Variants in GRIK4 observed in about 807,000 individuals in gnomAD.
GRIK4 encodes glutamate ionotropic receptor kainate type subunit 4, also known as glutamate receptor ionotropic, kainate 4.
In GRIK4, 40 loss-of-function variants were observed where a neutral mutation model predicts 104.9. The observed-to-expected ratio is 0.38, with a 90% CI of 0.30 to 0.50. GRIK4 has a LOEUF of 0.50. GRIK4 is among the 20% of genes least tolerant of loss of function. GRIK4 has a pLI of 0.93. For synonymous variants in GRIK4, 485 were observed against 524.9 expected (o/e 0.92, Z 1.04); for missense variants, 1,047 against 1,308.1 (o/e 0.80, Z 3.08).
chr11:120,880,238 T>C (rs1565412939), intron 11 of GRIK4, among the ~76,000 whole-genome samples: 3 of 152,266 alleles, frequency 2.0e-5, no homozygotes, highest in African/African-American at 7.2e-5. Flanking sequence ...TGGCACAGTC[T>C]TGTCCTTGCC....
At chr11:120,723,480 C>A (rs746867817) in intron 3 of GRIK4, among the ~76,000 whole-genome samples, 1 of 152,164 alleles carries the variant, frequency 6.6e-6, no homozygotes, top group South Asian at 2.1e-4. Context: ...AGCTCTATGG[C>A]CTCGGGCAAA....
intron 1 of GRIK4, among the ~76,000 whole-genome samples, chr11:120,649,501 C>T (rs759651241): frequency 3.9e-5 from 6 of 152,296 alleles, no homozygotes; most frequent in South Asian, 2.1e-4. Flanking sequence ...CTCTTTGTCA[C>T]GAACAGCCGT....
Position 120,819,684 on chromosome 11 carries a change from C to T in GRIK4, c.346-71C>T, listed in dbSNP as rs1253020983. On this transcript the variant is annotated intron_variant, in intron 5 of 20. Coordinates refer to ENST00000527524, the MANE Select transcript of GRIK4 (RefSeq NM_014619.5). The surrounding 1 kb of genome is among the most constrained non-coding windows in gnomAD (Gnocchi z 4.3). ...GAACTCACCCTCCACAACCTCAGCT[C>T]ACTCATCCCTCTTTCTTCCTTTTCA... is the stretch of plus-strand genomic sequence containing the variant. 19 of 1,431,166 alleles carry T rather than the reference C, an allele frequency of 1.3e-5. No individual in the cohort carries two copies. The highest frequency in any genetic ancestry group is 1.9e-5 in the Non-Finnish European group (19 of 1,016,770). The allele number at this position is 1,431,166 out of a possible 1,614,324, so 88.7% of individuals were successfully genotyped here.
chr11:120,914,083 A>G (rs544528407), intron 13 of GRIK4, among the ~76,000 whole-genome samples: 1 of 152,328 alleles, frequency 6.6e-6, no homozygotes, highest in African/African-American at 2.4e-5. Flanking sequence ...TTCTGCATTT[A>G]TGCAAATCTG....
chr11:120,862,263 G>A, intron 9 of GRIK4, 143 bp downstream of exon 9: 1 of 719,696 alleles, frequency 1.4e-6, no homozygotes, highest in Non-Finnish European at 2.3e-6. Flanking sequence ...GTAGAGAGGT[G>A]TGGGAAGTGG....
At chr11:120,969,133 G>C (rs1310318260) in intron 19 of GRIK4, among the ~76,000 whole-genome samples, 1 of 152,222 alleles carries the variant, frequency 6.6e-6, no homozygotes, top group Non-Finnish European at 1.5e-5. Context: ...TTACCAGCAA[G>C]CATCTTAAGG....
intron 1 of GRIK4, among the ~76,000 whole-genome samples, chr11:120,564,035 G>C (rs1342602217): frequency 6.6e-6 from 1 of 152,200 alleles, no homozygotes; most frequent in Non-Finnish European, 1.5e-5. Context: ...GGTGGGTAGG[G>C]AGGCAGTTTA....
chr11:120,781,929 C>T (rs1272578809), intron 3 of GRIK4, among the ~76,000 whole-genome samples: 1 of 152,158 alleles, frequency 6.6e-6, no homozygotes. Context: ...TCCACTCCAG[C>T]CGCTGAACGC....
intron 14 of GRIK4, among the ~76,000 whole-genome samples, chr11:120,949,947 T>G (rs1221655459): frequency 6.6e-6 from 1 of 151,056 alleles, no homozygotes; most frequent in Non-Finnish European, 1.5e-5. Context: ...TCATACCTCC[T>G]TTGGGCTAAG....
At chr11:120,522,385 G>A (rs573058989) in intron 1 of GRIK4, among the ~76,000 whole-genome samples, 2 of 152,070 alleles carry the variant, frequency 1.3e-5, no homozygotes, top group South Asian at 2.1e-4. Flanking sequence ...GCCGTGGCGC[G>A]ACCTCAGCTC....
chr11:120,533,578 G>A (rs377241351), intron 1 of GRIK4, among the ~76,000 whole-genome samples: 2 of 152,164 alleles, frequency 1.3e-5, no homozygotes, highest in African/African-American at 4.8e-5. Context: ...TTATGTGTAC[G>A]TTCAAAAGTT....
At chr11:120,748,125 T>C (rs1427449191) in intron 3 of GRIK4, among the ~76,000 whole-genome samples, 1 of 152,058 alleles carries the variant, frequency 6.6e-6, no homozygotes, top group African/African-American at 2.4e-5. Context: ...CACCAAGACC[T>C]TGGCTGGGGA....
intron 11 of GRIK4, among the ~76,000 whole-genome samples, chr11:120,877,588 G>A (rs1358377884): frequency 2.6e-5 from 4 of 152,198 alleles, no homozygotes; most frequent in Non-Finnish European, 4.4e-5. Context: ...TGCCTATTAT[G>A]TGCCAGACTG....
intron 11 of GRIK4, among the ~76,000 whole-genome samples, chr11:120,878,794 C>A (rs1021932352): frequency 3.3e-5 from 5 of 152,122 alleles, no homozygotes; most frequent in Non-Finnish European, 5.9e-5. Context: ...TGACAGGTGT[C>A]CTTCCCCTGC....
chr11:120,798,911 G>A (rs1010485799), intron 3 of GRIK4, among the ~76,000 whole-genome samples: 1 of 152,142 alleles, frequency 6.6e-6, no homozygotes, highest in Non-Finnish European at 1.5e-5. Context: ...ATATGAATTT[G>A]GTGGGACCTG....
chr11:120,966,666 C>T (rs1944389187), intron 18 of GRIK4, among the ~76,000 whole-genome samples: 1 of 152,198 alleles, frequency 6.6e-6, no homozygotes, highest in Non-Finnish European at 1.5e-5. Flanking sequence ...GCCACCGTGC[C>T]TGGCTGTGAG....
At chr11:120,609,716 G>A (rs1949009909) in intron 1 of GRIK4, among the ~76,000 whole-genome samples, 1 of 151,846 alleles carries the variant, frequency 6.6e-6, no homozygotes. Context: ...GTTTCACCAT[G>A]TTGGCCAGGC....
intron 3 of GRIK4, among the ~76,000 whole-genome samples, chr11:120,722,876 G>A: frequency 6.6e-6 from 1 of 152,190 alleles, no homozygotes; most frequent in Non-Finnish European, 1.5e-5. Context: ...GGCCTTTGGA[G>A]CATGGAGTGA....
chr11:120,906,386 T>A (rs1433517179), intron 13 of GRIK4, among the ~76,000 whole-genome samples: 1 of 152,208 alleles, frequency 6.6e-6, no homozygotes, highest in Non-Finnish European at 1.5e-5. Flanking sequence ...CCTCCCAGCA[T>A]GTGCTGATGT....
Sources: allele counts gnomAD v4.1 joint callset (sites outside exome capture counted in the v4.1 genomes callset), GRCh38; gene constraint gnomAD v4.1.1; non-coding constraint Gnocchi (gnomAD v3.1); transcripts MANE v1.5; gene names NCBI Gene and HGNC (gene_info 2026-07-23, HGNC 2026-07-21).